The following MAN2B2 variants were observed in gnomAD, a reference collection of about 807,000 sequenced individuals.
The protein encoded by MAN2B2 is mannosidase alpha class 2B member 2.
MAN2B2 carries 106 observed loss-of-function variants against 117.1 expected under a neutral mutation model. That is an observed-to-expected ratio of 0.90 (90% CI 0.77 to 1.06). The LOEUF (loss-of-function observed/expected upper bound fraction) is 1.06. Ranked by LOEUF, MAN2B2 falls within the 50% of genes least tolerant of loss-of-function variation. The pLI is 0.00. For synonymous variants in MAN2B2, 544 were observed against 595.1 expected, an observed-to-expected ratio of 0.91 and a Z score of 1.25; for missense variants, 1,326 against 1,381.4, an observed-to-expected ratio of 0.96 and a Z score of 0.64.
At position 6,576,728 on chromosome 4, in the gene MAN2B2, A is replaced by G. The variant is rs774041244; in HGVS notation, c.285+4A>G. On this transcript the variant is annotated splice_donor_region_variant and intron_variant, in intron 2 of 18. Transcript: ENST00000285599. ...CTCGGACCAGCAGAAATACCAGGTA[A>G]TGAGGTCACCAGGTGACACAGTTGG... 6.2e-6 allele frequency: 10 copies of G among 1,613,688 alleles called. No homozygotes were observed. The highest frequency in any genetic ancestry group is 7.6e-6 in the Non-Finnish European group (9 of 1,179,808).
intron 5 of MAN2B2, among the ~76,000 whole-genome samples, chr4:6,591,251 C>T (rs1034697149): frequency 1.3e-5 from 2 of 152,204 alleles, no homozygotes; most frequent in East Asian, 3.9e-4. Context: ...GCCTCTTGTC[C>T]AATCACCTCC....
At chr4:6,604,992 G>T in intron 10 of MAN2B2, 63 bp from the exon 11 acceptor site, 1 of 1,546,974 alleles carries the variant, frequency 6.5e-7, no homozygotes, top group Non-Finnish European at 8.8e-7. Context: ...CAAGTAGTGA[G>T]CACCCCATTC....
rs1414300325 is a variant in MAN2B2 at position 6,605,240 on chromosome 4, T to C, written c.1725T>C (p.His575=). The C allele has an allele frequency of 3.7e-6, 6 of 1,614,096 alleles. No homozygotes were observed. Among genetic ancestry groups the C allele is most frequent in the South Asian group, 1.1e-5 (1 of 91,090 alleles). ...FGRRLRRRTS[H]AGRYLVPVAN... ...GCAGGCTGAGGAGACGCACCAGCCA[T>C]GCGGGCAGGTACTTGGTGCCTGTGG... Residue 575 remains histidine, a synonymous_variant, in exon 11 of 19, where the codon CAT becomes CAC. Transcript: ENST00000285599.
At chr4:6,590,536 T>A (rs1726815000) in intron 5 of MAN2B2, among the ~76,000 whole-genome samples, 1 of 152,180 alleles carries the variant, frequency 6.6e-6, no homozygotes, top group Non-Finnish European at 1.5e-5. Context: ...CCAGGAGCCA[T>A]CCATCGGCAC....
In MAN2B2 at chr4:6,611,217, G is replaced by A; in HGVS notation, c.2502G>A (p.Leu834=). 6.2e-7 allele frequency: 1 copy of A among 1,613,756 alleles called. No homozygotes were observed. Among genetic ancestry groups the A allele is most frequent in the East Asian group, 2.2e-5 (1 of 44,870 alleles). The change falls in exon 15 of 19, where the codon CTG becomes CTA. Residue 834 remains leucine, a synonymous_variant. Coordinates refer to ENST00000285599, the MANE Select transcript of MAN2B2 (RefSeq NM_015274.3). ...LLGSWSLTTA[L]RQRSALALQH... ...GATCCTGGTCCCTCACCACTGCCCTGCGCCAGAGGAGCGCACTGGCGCTGC... is the reference window on the plus strand; with the variant it reads ...GATCCTGGTCCCTCACCACTGCCCTACGCCAGAGGAGCGCACTGGCGCTGC...
intron 11 of MAN2B2, among the ~76,000 whole-genome samples, chr4:6,606,961 C>G (rs569415222): frequency 6.6e-6 from 1 of 152,214 alleles, no homozygotes; most frequent in Non-Finnish European, 1.5e-5. Flanking sequence ...ACACACAATT[C>G]ACCCATTTAA....
chr4:6,586,863 T>TCTGCATGACC, intron 3 of MAN2B2, 133 bp from the exon 4 acceptor site: 3 of 709,326 alleles, frequency 4.2e-6, no homozygotes, highest in Non-Finnish European at 7.2e-6. Flanking sequence ...CCTCTGCAGT[T>TCTGCATGACC]CTGCATGACC....
At position 6,621,495 on chromosome 4, in the gene MAN2B2, A is replaced by C. The variant is rs1712171101; in HGVS notation, c.*210A>C. ...TACAAGATCCAGGTTCTTCCCCCCC[A>C]CACTCAATCAAGCCAGCCCTCTCCT... On this transcript the variant is annotated 3_prime_UTR_variant, in exon 19 of 19. Coordinates refer to ENST00000285599, the MANE Select transcript of MAN2B2 (RefSeq NM_015274.3). 2 of 540,504 alleles carry C rather than the reference A, an allele frequency of 3.7e-6. No homozygotes were observed. Among genetic ancestry groups the C allele is most frequent in the South Asian group, 4.7e-5 (2 of 42,430 alleles). The allele number at this position is 540,504 out of a possible 1,614,324, so 33.5% of individuals were successfully genotyped here.
intron 18 of MAN2B2, 103 bp downstream of exon 18, chr4:6,620,147 G>C: frequency 1.1e-6 from 1 of 940,232 alleles, no homozygotes; most frequent in Non-Finnish European, 1.6e-6. Context: ...CCCGGCCTGT[G>C]CGACCTTGCG....
At chr4:6,596,984 C>A (rs1011620381) in intron 7 of MAN2B2, 129 bp from the exon 8 acceptor site, 14 of 883,020 alleles carry the variant, frequency 1.6e-5, no homozygotes, top group Non-Finnish European at 2.3e-5. Flanking sequence ...GCCTGCCCGG[C>A]CTGCCTCCTT....
chr4:6,620,307 G>T, intron 18 of MAN2B2: 2 of 357,262 alleles, frequency 5.6e-6, no homozygotes, highest in Non-Finnish European at 1.1e-5. Flanking sequence ...CGCCCTGCCT[G>T]TGCCCTGGGT....
At chr4:6,576,463 G>T in intron 1 of MAN2B2, 115 bp from the exon 2 acceptor site, 2 of 1,247,122 alleles carry the variant, frequency 1.6e-6, no homozygotes, top group East Asian at 2.3e-5. Context: ...GTGAGCAGCA[G>T]GGAAGGAAGG....
chr4:6,579,551 C>A, intron 3 of MAN2B2, among the ~76,000 whole-genome samples: 1 of 151,416 alleles, frequency 6.6e-6, no homozygotes, highest in African/African-American at 2.4e-5. Flanking sequence ...ATGACCACCA[C>A]TACCACTACC....
intron 12 of MAN2B2, 86 bp from the exon 13 acceptor site, chr4:6,609,712 C>A: frequency 7.2e-7 from 1 of 1,385,758 alleles, no homozygotes; most frequent in Non-Finnish European, 1.0e-6. Context: ...CCCTGCCCAC[C>A]CTGCCCACAT....
chr4:6,575,428 C>A, intron 1 of MAN2B2, 80 bp downstream of exon 1: 1 of 1,162,478 alleles, frequency 8.6e-7, no homozygotes, highest in Non-Finnish European at 1.2e-6. Flanking sequence ...GGTTTGCGTC[C>A]CGGGGCCCGA....
chr4:6,597,391 C>G, intron 8 of MAN2B2, 88 bp downstream of exon 8: 1 of 1,368,094 alleles, frequency 7.3e-7, no homozygotes, highest in Non-Finnish European at 9.7e-7. Flanking sequence ...CCTTCCAGCC[C>G]TGGGGCACTA....
rs79840368 is a variant in MAN2B2, at chr4:6,580,806, C to G, written c.391+2308C>G. On this transcript the variant is annotated intron_variant, in intron 3 of 18. Transcript: ENST00000285599. The stretch of plus-strand genomic sequence containing the variant: ...TGAACTGCCCTGCCCTGAGGGTACC[C>G]ACCACTGGGGTACCTCGCCTCTGGC... Among the ~76,000 whole-genome samples, 1,129 of 152,284 alleles carry G rather than the reference C, an allele frequency of 7.4e-3. 14 individuals are homozygous for G. The highest frequency in any genetic ancestry group is 0.025 in the African/African-American group (1,046 of 41,570).
At position 6,621,469 on chromosome 4, in the gene MAN2B2, T is replaced by A; in HGVS notation, c.*184T>A. 1.8e-6 allele frequency: 1 copy of A among 566,862 alleles called. No individual in the cohort carries two copies. The highest frequency in any genetic ancestry group is 3.1e-6 in the Non-Finnish European group (1 of 318,946). 35.1% of individuals were successfully genotyped at this position (566,862 alleles called of 1,614,324 possible). On this transcript the variant is annotated 3_prime_UTR_variant, in exon 19 of 19. Coordinates refer to ENST00000285599, the MANE Select transcript of MAN2B2 (RefSeq NM_015274.3). ...CTAATTTTTTTAAACAAAAATTACA[T>A]TACAAGATCCAGGTTCTTCCCCCCC...
At chr4:6,619,745 C>T in intron 17 of MAN2B2, 182 bp from the exon 18 acceptor site, 3 of 629,928 alleles carry the variant, frequency 4.8e-6, no homozygotes, top group Non-Finnish European at 8.6e-6. Context: ...AGTACACGGC[C>T]AGTCCTGTCC....
Sources: allele counts gnomAD v4.1 joint callset (sites outside exome capture counted in the v4.1 genomes callset), GRCh38; gene constraint gnomAD v4.1.1; transcripts MANE v1.5; gene names NCBI Gene and HGNC (gene_info 2026-07-23, HGNC 2026-07-21).